FDFT1: variants seen among roughly 807,000 people sequenced by gnomAD.
FDFT1 encodes the protein squalene synthase.
FDFT1 carries 68 observed loss-of-function variants against 46.8 expected under a neutral mutation model. The observed-to-expected ratio is 1.45, with a 90% CI of 1.19 to 1.78. The LOEUF is 1.78. Ranked by LOEUF, FDFT1 falls within the 40% of genes most tolerant of loss-of-function variation. FDFT1 has a pLI of 0.00. For synonymous variants in FDFT1, 351 were observed against 185.1 expected, an observed-to-expected ratio of 1.90 and a Z score of -7.28; for missense variants, 928 against 524.4, an observed-to-expected ratio of 1.77 and a Z score of -7.52.
chr8:11,812,889 A>C (rs143383922), intron 3 of FDFT1, among the ~76,000 whole-genome samples: 1 of 152,246 alleles, frequency 6.6e-6, no homozygotes, highest in Non-Finnish European at 1.5e-5. Flanking sequence ...GAGTACAGTC[A>C]TGCATCACTT....
At chr8:11,797,322 G>C (rs368901739), upstream of FDFT1, among the ~76,000 whole-genome samples, 68 of 152,260 alleles carry the variant, frequency 4.5e-4, no homozygotes, top group African/African-American at 1.6e-3. Context: ...TTATCCATTC[G>C]TATGTTCAGC....
chr8:11,825,290 C>G (rs1305026575), intron 4 of FDFT1, among the ~76,000 whole-genome samples: 2 of 151,902 alleles, frequency 1.3e-5, no homozygotes, highest in Non-Finnish European at 2.9e-5. Context: ...GCTGGTAATC[C>G]CAGCACTTTG....
chr8:11,831,458 T>C (rs991738070), intron 6 of FDFT1, 60 bp from the exon 7 acceptor site: 32 of 1,491,982 alleles, frequency 2.1e-5, no homozygotes, highest in Non-Finnish European at 2.8e-5. Flanking sequence ...TACCTTTTTG[T>C]GATAATGATA....
chr8:11,837,251 GAC>G (rs1282695938), intron 7 of FDFT1, among the ~76,000 whole-genome samples: 1 of 152,208 alleles, frequency 6.6e-6, no homozygotes, highest in Non-Finnish European at 1.5e-5. Context: ...TGTTTTTTGA[GAC>G]AGGGTCTTGT....
At chr8:11,810,954 AAAAAG>A (rs1424239920) in intron 3 of FDFT1, among the ~76,000 whole-genome samples, 1 of 151,472 alleles carries the variant, frequency 6.6e-6, no homozygotes, top group Non-Finnish European at 1.5e-5. Context: ...AAAAAAAAAA[AAAAAG>A]GAATGTTTGG....
At chr8:11,825,942 T>A in intron 4 of FDFT1, 82 bp from the exon 5 acceptor site, 7 of 976,512 alleles carry the variant, frequency 7.2e-6, no homozygotes, top group Non-Finnish European at 1.0e-5. Flanking sequence ...TTGAACCTGC[T>A]TTTTTGTAGC....
intron 5 of FDFT1, among the ~76,000 whole-genome samples, chr8:11,827,589 T>C (rs545609474): frequency 1.2e-3 from 185 of 150,912 alleles, no homozygotes; most frequent in African/African-American, 4.1e-3. Context: ...ATATTCCTAA[T>C]ATTAAAAAAA....
chr8:11,818,105 C>G (rs1808713285), intron 3 of FDFT1, among the ~76,000 whole-genome samples: 1 of 152,152 alleles, frequency 6.6e-6, no homozygotes, highest in Non-Finnish European at 1.5e-5. Context: ...TTTCTGCTTT[C>G]ATTTCGTTAT....
chr8:11,819,197 G>C (rs568527735), intron 3 of FDFT1, among the ~76,000 whole-genome samples: 1 of 152,196 alleles, frequency 6.6e-6, no homozygotes, highest in Non-Finnish European at 1.5e-5. Flanking sequence ...CTGGCTAGTA[G>C]GGTTTCTGCT....
intron 3 of FDFT1, among the ~76,000 whole-genome samples, chr8:11,813,418 T>C (rs1383752670): frequency 1.3e-5 from 2 of 152,224 alleles, no homozygotes; most frequent in East Asian, 3.8e-4. Flanking sequence ...TTATTTGATC[T>C]ATAACATCGT....
intron 1 of FDFT1, among the ~76,000 whole-genome samples, chr8:11,806,447 G>C (rs541996694): frequency 4.6e-5 from 7 of 152,278 alleles, no homozygotes; most frequent in African/African-American, 1.2e-4. Context: ...GAAACAAATA[G>C]GTGACAGGAA....
In FDFT1 at chr8:11,838,813, C is replaced by T. The variant is rs754492789; in HGVS notation, c.*204C>T. On this transcript the variant is annotated 3_prime_UTR_variant, in exon 8 of 8. Transcript: ENST00000220584. ...AGGGTGCCTCATCCCAGCAACCTGT[C>T]CTTGTGGGTGATGATCACTGTGCTG... 76 of 577,800 alleles carry T rather than the reference C, an allele frequency of 1.3e-4. No individual in the cohort carries two copies. The highest frequency in any genetic ancestry group is 2.0e-4 in the Non-Finnish European group (65 of 322,962). The allele number at this position is 577,800 out of a possible 1,614,324, so 35.8% of individuals were successfully genotyped here. A position where few individuals can be genotyped will look rare whatever the true frequency, so the allele number is the denominator to read the frequency against.
chr8:11,816,489 C>G (rs1245509594), intron 3 of FDFT1, among the ~76,000 whole-genome samples: 2 of 152,208 alleles, frequency 1.3e-5, no homozygotes, highest in African/African-American at 2.4e-5. Context: ...ACTGATTCTT[C>G]CTATCCATGA....
chr8:11,799,511 C>T (rs1041361768), upstream of FDFT1, among the ~76,000 whole-genome samples: 4 of 152,240 alleles, frequency 2.6e-5, no homozygotes. Flanking sequence ...GCCACAGAGT[C>T]TGTTCCGTTA....
chr8:11,801,653 C>A, upstream of FDFT1: 1 of 248,176 alleles, frequency 4.0e-6, no homozygotes, highest in Non-Finnish European at 8.0e-6. Flanking sequence ...TTACTGGTTG[C>A]TGTGTTAAAA....
At chr8:11,799,156 T>G (rs1235262708), upstream of FDFT1, among the ~76,000 whole-genome samples, 3 of 152,184 alleles carry the variant, frequency 2.0e-5, no homozygotes, top group East Asian at 3.8e-4. Context: ...ACCCTATAGG[T>G]CAAAAGGTCT....
intron 3 of FDFT1, among the ~76,000 whole-genome samples, chr8:11,820,480 C>G (rs1012302033): frequency 7.2e-6 from 1 of 138,938 alleles, no homozygotes; most frequent in Non-Finnish European, 1.6e-5. Flanking sequence ...GGCAGTAGGC[C>G]TTGCTGAGCT....
rs115581217 is a variant in FDFT1 at position 11,809,865 on chromosome 8, G to C, written c.381+15G>C. Reference sequence around the variant, plus strand: ...ACTTCCCAACGGTGAGTGGGGTTACGCATCTTGTCTACGGACTGTTGTGTT... The same window carrying C: ...ACTTCCCAACGGTGAGTGGGGTTACCCATCTTGTCTACGGACTGTTGTGTT... On this transcript the variant is annotated intron_variant, in intron 3 of 7. Transcript: ENST00000220584. 1 of 1,600,182 alleles carries C rather than the reference G, an allele frequency of 6.2e-7. No individual in the cohort carries two copies. Among genetic ancestry groups the C allele is most frequent in the South Asian group, 1.1e-5 (1 of 90,056 alleles).
chr8:11,808,636 T>A (rs1210978097), intron 1 of FDFT1, 158 bp from the exon 2 acceptor site: 1 of 1,395,498 alleles, frequency 7.2e-7, no homozygotes, highest in Non-Finnish European at 9.3e-7. Flanking sequence ...GGCTGCTGCT[T>A]GCCTCCTGCC....
Sources: allele counts gnomAD v4.1 joint callset (sites outside exome capture counted in the v4.1 genomes callset), GRCh38; gene constraint gnomAD v4.1.1; transcripts MANE v1.5; gene names NCBI Gene and HGNC (gene_info 2026-07-23, HGNC 2026-07-21).